ADGRB3: variants seen among roughly 807,000 people sequenced by gnomAD.
ADGRB3 encodes brain-specific angiogenesis inhibitor 3.
ADGRB3 carries 37 observed loss-of-function variants against 193.4 expected under a neutral mutation model. The observed-to-expected ratio is 0.19, with a 90% CI of 0.15 to 0.25. The LOEUF (loss-of-function observed/expected upper bound fraction) is 0.25. Ranked by LOEUF, ADGRB3 falls within the 10% of genes least tolerant of loss-of-function variation. The pLI is 1.00. For missense variants in ADGRB3, 1,637 were observed against 1,852.9 expected, an observed-to-expected ratio of 0.88 and a Z score of 2.14; for synonymous variants, 690 against 644.2, an observed-to-expected ratio of 1.07 and a Z score of -1.08.
At chr6:69,292,826 G>A (rs79204671) in intron 20 of ADGRB3, among the ~76,000 whole-genome samples, 7 of 151,900 alleles carry the variant, frequency 4.6e-5, no homozygotes, top group Admixed American at 1.3e-4. Context: ...CCACTAACCC[G>A]TCATCTAGCA....
intron 3 of ADGRB3, among the ~76,000 whole-genome samples, chr6:68,755,702 G>A (rs922940928): frequency 5.3e-5 from 8 of 152,086 alleles, no homozygotes; most frequent in African/African-American, 1.7e-4. Flanking sequence ...CCACAAAGTG[G>A]GGAAGATTCA....
In ADGRB3 at chr6:68,638,787, A is replaced by G. The variant is rs201982971; in HGVS notation, c.112A>G (p.Ile38Val). Residue 38 changes from isoleucine to valine, a missense_variant, in exon 3 of 32, where the codon ATT (isoleucine) becomes GTT (valine). Transcript: ENST00000370598. The part of the protein sequence containing the change: ...FWCSTLVKGV[I>V]YGSYSVSEMF... ...GTGTTCAACTTTGGTGAAGGGAGTC[A>G]TTTATGGATCGTATTCTGTAAGTGA... The G allele has an allele frequency of 6.2e-6, 10 of 1,614,026 alleles. No homozygotes were observed. Among genetic ancestry groups the G allele is most frequent in the Non-Finnish European group, 8.5e-6 (10 of 1,180,024 alleles).
chr6:69,072,994 G>C (rs1228049890), intron 16 of ADGRB3, among the ~76,000 whole-genome samples: 3 of 152,156 alleles, frequency 2.0e-5, no homozygotes, highest in African/African-American at 7.2e-5. Flanking sequence ...GTGAGAACCA[G>C]ATAAGAACCC....
chr6:69,304,905 A>T lies in ADGRB3; in HGVS notation c.2815-19967A>T, dbSNP rs749253264. 4.0e-5 allele frequency among the ~76,000 whole-genome samples: 6 copies of T among 151,604 alleles called. 1 individual carries two copies. Among genetic ancestry groups the T allele is most frequent in the African/African-American group, 7.3e-5 (3 of 41,124 alleles). ...CTGGTCTCCAAATCTGTGGTGCACCATTAATGAATCTGTAATTTTCAAACA... is the reference window on the plus strand; with the variant it reads ...CTGGTCTCCAAATCTGTGGTGCACCTTTAATGAATCTGTAATTTTCAAACA... On this transcript the variant is annotated intron_variant, in intron 20 of 31. Coordinates refer to ENST00000370598, the MANE Select transcript of ADGRB3 (RefSeq NM_001704.3).
intron 20 of ADGRB3, among the ~76,000 whole-genome samples, chr6:69,267,015 A>G (rs1404962145): frequency 6.6e-6 from 1 of 152,002 alleles, no homozygotes; most frequent in Non-Finnish European, 1.5e-5. Context: ...CAAGATTATG[A>G]TTTTCAGAGT....
intron 17 of ADGRB3, among the ~76,000 whole-genome samples, chr6:69,112,196 G>A (rs189408943): frequency 1.6e-3 from 247 of 152,250 alleles, no homozygotes; most frequent in African/African-American, 5.8e-3. Context: ...CCACCCAATG[G>A]CTGGTAGTGC....
chr6:69,178,893 G>C (rs926294117), intron 17 of ADGRB3, among the ~76,000 whole-genome samples: 7 of 152,044 alleles, frequency 4.6e-5, no homozygotes, highest in Non-Finnish European at 8.8e-5. Context: ...CTTTATTGTT[G>C]ATCTTAGATA....
At chr6:68,669,916 A>G (rs901364260) in intron 3 of ADGRB3, among the ~76,000 whole-genome samples, 8 of 151,806 alleles carry the variant, frequency 5.3e-5, no homozygotes, top group Non-Finnish European at 1.2e-4. Context: ...TTTCCTCCAC[A>G]TCCTTGCTAG....
intron 3 of ADGRB3, among the ~76,000 whole-genome samples, chr6:68,740,469 G>A (rs1175595499): frequency 6.6e-6 from 1 of 152,086 alleles, no homozygotes; most frequent in Non-Finnish European, 1.5e-5. Flanking sequence ...GGTAATTAGA[G>A]CATCTTTAAG....
At chr6:69,345,398 C>T (rs1268125800) in intron 26 of ADGRB3, among the ~76,000 whole-genome samples, 1 of 152,114 alleles carries the variant, frequency 6.6e-6, no homozygotes, top group African/African-American at 2.4e-5. Context: ...AAAAACTTAC[C>T]CACTTTGATC....
At chr6:68,825,240 T>G (rs1767821387) in intron 3 of ADGRB3, among the ~76,000 whole-genome samples, 1 of 152,162 alleles carries the variant, frequency 6.6e-6, no homozygotes, top group Non-Finnish European at 1.5e-5. Flanking sequence ...TTGAATGTTT[T>G]GTACATATGT....
intron 19 of ADGRB3, 64 bp from the exon 20 acceptor site, chr6:69,239,060 A>C: frequency 1.1e-6 from 1 of 871,012 alleles, no homozygotes; most frequent in Non-Finnish European, 1.8e-6. Context: ...CAGTTTGCAC[A>C]ATATATAATT....
intron 20 of ADGRB3, among the ~76,000 whole-genome samples, chr6:69,262,679 AAG>A (rs200145567): frequency 5.3e-5 from 8 of 150,792 alleles, no homozygotes; most frequent in Admixed American, 1.3e-4. Flanking sequence ...GATATTTTGA[AAG>A]AGAGAGAGAG....
At chr6:69,152,669 A>T (rs1247552211) in intron 17 of ADGRB3, among the ~76,000 whole-genome samples, 1 of 152,212 alleles carries the variant, frequency 6.6e-6, no homozygotes, top group African/African-American at 2.4e-5. Flanking sequence ...AGAACTGAGT[A>T]TATGCTACTG....
At chr6:69,036,599 TAGAG>T (rs1395683963) in intron 13 of ADGRB3, among the ~76,000 whole-genome samples, 2 of 151,844 alleles carry the variant, frequency 1.3e-5, no homozygotes, top group South Asian at 2.1e-4. Context: ...AATTACATAA[TAGAG>T]AGAAATGGGG....
At chr6:69,208,340 C>T (rs891256112) in intron 17 of ADGRB3, among the ~76,000 whole-genome samples, 1 of 152,240 alleles carries the variant, frequency 6.6e-6, no homozygotes, top group Non-Finnish European at 1.5e-5. Flanking sequence ...CAACATACCT[C>T]TTCCCCAAAT....
At chr6:68,758,181 G>A (rs1582177045) in intron 3 of ADGRB3, among the ~76,000 whole-genome samples, 1 of 152,040 alleles carries the variant, frequency 6.6e-6, no homozygotes, top group Non-Finnish European at 1.5e-5. Context: ...AAGATTAGAG[G>A]TAATGAATAT....
chr6:68,665,010 A>G (rs1768765646), intron 3 of ADGRB3, among the ~76,000 whole-genome samples: 1 of 151,692 alleles, frequency 6.6e-6, no homozygotes, highest in African/African-American at 2.4e-5. Context: ...ATTGGATTCG[A>G]TTCTTTAAGT....
At chr6:68,797,167 A>G (rs1343309587) in intron 3 of ADGRB3, among the ~76,000 whole-genome samples, 1 of 152,088 alleles carries the variant, frequency 6.6e-6, no homozygotes, top group Non-Finnish European at 1.5e-5. Context: ...TGCTTTAAGT[A>G]CCTTGCGTGG....
Sources: gnomAD v4.1 joint callset for allele counts (sites outside exome capture counted in the v4.1 genomes callset) on GRCh38, gnomAD v4.1.1 for gene constraint, MANE v1.5 for transcripts, NCBI Gene and HGNC (gene_info 2026-07-23, HGNC 2026-07-21) for gene names.